MSH5: variants seen among roughly 807,000 people sequenced by gnomAD.
MSH5 encodes the protein mutS protein homolog 5.
MSH5 carries 78 observed loss-of-function variants against 107.7 expected under a neutral mutation model. The ratio of observed to expected loss-of-function variants is 0.72; its 90% CI spans 0.60 to 0.87. MSH5 has a LOEUF of 0.87. Ranked by LOEUF, MSH5 falls within the 40% of genes least tolerant of loss-of-function variation. The pLI, the probability that MSH5 is intolerant of heterozygous loss-of-function variation, is 0.00. For synonymous variants in MSH5, 326 were observed against 399.5 expected (o/e 0.82, Z 2.19); for missense variants, 889 against 1,046.6 (o/e 0.85, Z 2.08).
chr6:31,761,457 C>G lies in MSH5; in HGVS notation c.2038-15C>G. On this transcript the variant is annotated splice_polypyrimidine_tract_variant and intron_variant, in intron 21 of 24. Coordinates refer to ENST00000375750, the MANE Select transcript of MSH5 (RefSeq NM_172166.4). The surrounding 1 kb of genome is among the most constrained non-coding windows in gnomAD (Gnocchi z 5.3). ...TCCCCATGGCTCCGAATGCTAACCT[C>G]TGCCCTCTTTGCAGGTGGATGGGCT... The G allele has an allele frequency of 6.2e-7, 1 of 1,612,530 alleles. No individual in the cohort carries two copies. Among genetic ancestry groups the G allele is most frequent in the Non-Finnish European group, 8.5e-7 (1 of 1,180,014 alleles).
intron 9 of MSH5, 121 bp from the exon 10 acceptor site, chr6:31,747,266 C>A: frequency 9.5e-7 from 1 of 1,054,914 alleles, no homozygotes; most frequent in Non-Finnish European, 1.4e-6. Context: ...TGTGCCCTCC[C>A]AGGCCAGCTT....
rs751980335 is a variant in MSH5, at chr6:31,762,198, C to T, written c.2393+13C>T. On this transcript the variant is annotated intron_variant, in intron 24 of 24. Transcript: ENST00000375750. The stretch of plus-strand genomic sequence containing the variant: ...ACCAAATGGAAAAGTGCGTATATGG[C>T]CCCAGTGTCTTTACCCTCTCTGCAT... 1.9e-6 allele frequency: 3 copies of T among 1,613,286 alleles called. No individual in the cohort carries two copies. Among genetic ancestry groups the T allele is most frequent in the East Asian group, 4.5e-5 (2 of 44,898 alleles).
chr6:31,755,761 G>C (rs1810394642), intron 12 of MSH5, among the ~76,000 whole-genome samples: 1 of 152,168 alleles, frequency 6.6e-6, no homozygotes, highest in Admixed American at 6.6e-5. Flanking sequence ...CTCCCAAAGT[G>C]CTGAGACTAT....
chr6:31,747,253 C>G, intron 9 of MSH5, 134 bp from the exon 10 acceptor site: 1 of 878,928 alleles, frequency 1.1e-6, no homozygotes, highest in Non-Finnish European at 1.8e-6. Flanking sequence ...CTTTGGCTGC[C>G]TTTGTGCCCT....
Position 31,742,903 on chromosome 6 carries a change from G to A in MSH5, c.298G>A (p.Val100Ile), listed in dbSNP as rs889291350. 3.0e-5 allele frequency: 48 copies of A among 1,612,894 alleles called. No individual in the cohort carries two copies. Among genetic ancestry groups the A allele is most frequent in the Non-Finnish European group, 3.4e-5 (40 of 1,180,020 alleles). Residue 100 changes from valine (V) to isoleucine (I), a missense_variant, in exon 4 of 25, where the codon GTT (valine) becomes ATT (isoleucine). By Grantham distance (29) the Val-to-Ile change is conservative. Coordinates refer to ENST00000375750, the MANE Select transcript of MSH5 (RefSeq NM_172166.4). ...RVLDEINPQS[V>I]VTSAKQDENM... ...TCTGGATGAGATCAATCCCCAGTCT[G>A]TTGTTACGAGTGCCAAACAGGATGA...
chr6:31,753,253 G>A (rs752017737), intron 10 of MSH5, 48 bp from the exon 11 acceptor site: 1 of 1,556,530 alleles, frequency 6.4e-7, no homozygotes, highest in South Asian at 1.2e-5. Flanking sequence ...CTGAGATCAA[G>A]ATGATAGATG....
chr6:31,753,486 C>T (rs750153684), intron 11 of MSH5, 47 bp downstream of exon 11: 17 of 1,612,594 alleles, frequency 1.1e-5, no homozygotes, highest in Non-Finnish European at 1.4e-5. Context: ...AGGTTGAGGG[C>T]TGATACTGGG....
intron 9 of MSH5, among the ~76,000 whole-genome samples, chr6:31,746,693 C>T (rs1194314996): frequency 1.3e-5 from 2 of 152,114 alleles, no homozygotes; most frequent in Non-Finnish European, 2.9e-5. Flanking sequence ...TCAAGTGATC[C>T]TCCTGCCTTG....
chr6:31,750,102 G>A (rs902213779), intron 10 of MSH5, among the ~76,000 whole-genome samples: 26 of 152,110 alleles, frequency 1.7e-4, no homozygotes, highest in African/African-American at 5.6e-4. Flanking sequence ...ATTTAAGGTC[G>A]GGGAGGAATG....
intron 24 of MSH5, 93 bp from the exon 25 acceptor site, chr6:31,762,327 A>G: frequency 1.5e-6 from 2 of 1,355,442 alleles, no homozygotes; most frequent in Non-Finnish European, 2.1e-6. Context: ...AATCTTCAAG[A>G]TCCCAGGTTT....
rs1471337229 is a variant in MSH5, at chr6:31,760,401, G to A, written c.1812+185G>A. Among the ~76,000 whole-genome samples the A allele has an allele frequency of 6.6e-6, 1 of 152,194 alleles. No homozygotes were observed. The highest frequency in any genetic ancestry group is 2.4e-5 in the African/African-American group (1 of 41,444). On this transcript the variant is annotated intron_variant, in intron 19 of 24. Transcript: ENST00000375750. The surrounding 1 kb of genome is among the most constrained non-coding windows in gnomAD (Gnocchi z 5.6). ...TTCTTATTCTCCACTGGAGAGCCAT[G>A]CTCTAATGGAACTTTCCGTGGCCCA...
intron 10 of MSH5, among the ~76,000 whole-genome samples, chr6:31,749,114 C>T (rs1809727870): frequency 6.6e-6 from 1 of 151,968 alleles, no homozygotes; most frequent in African/African-American, 2.4e-5. Context: ...TGGGATTTCA[C>T]CATGTTGGCC....
In MSH5 at chr6:31,753,592, C is replaced by G; in HGVS notation, c.977C>G (p.Ser326Cys). 6.2e-7 allele frequency: 1 copy of G among 1,614,122 alleles called. No homozygotes were observed. Among genetic ancestry groups the G allele is most frequent in the African/African-American group, 1.3e-5 (1 of 75,014 alleles). The change falls in exon 12 of 25, where the codon TCC (serine) becomes TGC (cysteine). Residue 326 changes from serine (S) to cysteine (C), a missense_variant. Coordinates refer to ENST00000375750, the MANE Select transcript of MSH5 (RefSeq NM_172166.4). Reference sequence around the variant, plus strand: ...CTGATTCTGAAACGCATGAAGTTGTCCCACACCAAGGTCAGCGACTGGCAG... The same window carrying G: ...CTGATTCTGAAACGCATGAAGTTGTGCCACACCAAGGTCAGCGACTGGCAG... ...VPLILKRMKL[S>C]HTKVSDWQVL... is the part of the protein sequence containing the mutation.
intron 9 of MSH5, 149 bp downstream of exon 9, chr6:31,745,468 C>G (rs1429435430): frequency 1.6e-6 from 1 of 622,952 alleles, no homozygotes; most frequent in African/African-American, 1.8e-5. Flanking sequence ...CTATTTGTAC[C>G]CCCCGCCCCC....
chr6:31,744,510 C>CA (rs1271291761), intron 7 of MSH5, 36 bp from the exon 8 acceptor site: 1 of 1,613,024 alleles, frequency 6.2e-7, no homozygotes, highest in African/African-American at 1.3e-5. Flanking sequence ...GGAACGAACT[C>CA]AGACTGCTTC....
In MSH5 at chr6:31,759,262, C is replaced by T; in HGVS notation, c.1407+85C>T. 7.3e-7 allele frequency: 1 copy of T among 1,375,512 alleles called. No homozygotes were observed. 85.2% of individuals were successfully genotyped at this position (1,375,512 alleles called of 1,614,324 possible). On this transcript the variant is annotated intron_variant, in intron 16 of 24. Transcript: ENST00000375750. The surrounding 1 kb of genome is among the most constrained non-coding windows in gnomAD (Gnocchi z 4.7). The stretch of plus-strand genomic sequence containing the variant: ...GAGCGTTACTCTACAGCAGCACTGC[C>T]CAATATGGGATCTCTCCTCTGTAGT...
At position 31,741,961 on chromosome 6, in the gene MSH5, A is replaced by T. The variant is rs1215473494; in HGVS notation, c.271+675A>T. ...GCTCTTTTTGACAACCAGCTCTCTCAGGAACTAATAGAGTGAGAACCTCTC... is the reference window on the plus strand; with the variant it reads ...GCTCTTTTTGACAACCAGCTCTCTCTGGAACTAATAGAGTGAGAACCTCTC... On this transcript the variant is annotated intron_variant, in intron 3 of 24. Coordinates refer to ENST00000375750, the MANE Select transcript of MSH5 (RefSeq NM_172166.4). Among the ~76,000 whole-genome samples the T allele has an allele frequency of 2.6e-5, 4 of 152,112 alleles. No homozygotes were observed. The East Asian group carries it at 5.8e-4, about 22-fold the overall frequency.
chr6:31,756,517 C>CT (rs1309342533), intron 12 of MSH5: 1 of 152,198 alleles, frequency 6.6e-6, no homozygotes, highest in Non-Finnish European at 1.5e-5. Flanking sequence ...ATTTAAATCT[C>CT]TGATTCTTTC....
chr6:31,753,673 C>T (rs917419352), intron 12 of MSH5, 44 bp downstream of exon 12: 2 of 1,574,218 alleles, frequency 1.3e-6, no homozygotes, highest in Non-Finnish European at 1.7e-6. Context: ...GGTAAAGGCC[C>T]TCAGCCTGTA....
Sources: allele counts gnomAD v4.1 joint callset (sites outside exome capture counted in the v4.1 genomes callset), GRCh38; gene constraint gnomAD v4.1.1; non-coding constraint Gnocchi (gnomAD v3.1); transcripts MANE v1.5; gene names NCBI Gene and HGNC (gene_info 2026-07-23, HGNC 2026-07-21).